Variants in CCDC88C observed in about 807,000 individuals in gnomAD.
The protein encoded by CCDC88C is coiled-coil and HOOK domain protein 88C.
In CCDC88C, 131 loss-of-function variants were observed where a neutral mutation model predicts 198.8. That is an observed-to-expected ratio of 0.66 (90% CI 0.57 to 0.76). CCDC88C has a LOEUF of 0.76. Ranked by LOEUF, CCDC88C falls within the 30% of genes least tolerant of loss-of-function variation. CCDC88C has a pLI of 0.00. For missense variants in CCDC88C, 2,553 were observed against 2,631.6 expected (o/e 0.97, Z 0.65); for synonymous variants, 1,166 against 1,114.7 (o/e 1.05, Z -0.92).
At chr14:91,329,827 C>G (rs1043114210) in intron 10 of CCDC88C, among the ~76,000 whole-genome samples, 1 of 152,212 alleles carries the variant, frequency 6.6e-6, no homozygotes, top group Non-Finnish European at 1.5e-5. Flanking sequence ...CACAGATACA[C>G]AAGGTCGTTA....
At chr14:91,409,080 C>T (rs529197041) in intron 2 of CCDC88C, among the ~76,000 whole-genome samples, 4 of 152,076 alleles carry the variant, frequency 2.6e-5, no homozygotes, top group Non-Finnish European at 5.9e-5. Context: ...AAATGTTATA[C>T]TGTATAAAAC....
Position 91,313,378 on chromosome 14 carries a change from A to G in CCDC88C, c.2438T>C (p.Leu813Ser). The change falls in exon 15 of 30, where the codon TTG becomes TCG. Residue 813 changes from leucine (L) to serine (S), a missense_variant. Leu to Ser is a moderately radical substitution (Grantham distance 145). Around this residue, in one of 2 missense-constraint regions of CCDC88C, gnomAD observed 1,260 missense variants for 1,412.0 expected, o/e 0.89. Coordinates refer to ENST00000389857, the MANE Select transcript of CCDC88C (RefSeq NM_001080414.4). The surrounding 1 kb of genome is among the most constrained non-coding windows in gnomAD (Gnocchi z 5.2). ...CTTCCTGTCCTTCTCGGCCCCCTCC[A>G]ACTGTGCATTGGCCAGCCGGAGGGC... Reference protein sequence around the residue: ...LEALRLANAQLEGAEKDRKAL... With the variant: ...LEALRLANAQSEGAEKDRKAL... The G allele has an allele frequency of 6.2e-7, 1 of 1,610,000 alleles. No individual in the cohort carries two copies. The highest frequency in any genetic ancestry group is 8.5e-7 in the Non-Finnish European group (1 of 1,179,780).
In CCDC88C at chr14:91,313,976, G is replaced by A. The variant is rs2139807033; in HGVS notation, c.1840C>T (p.Arg614Trp). ...GKLSQLEFEK[R>W]QLHRDLEQAK... ...TGCTCCAAGTCCCTGTGCAGCTGCC[G>A]CTTCTCAAACTCCAACTGGCTGAGC... The change falls in exon 15 of 30, where the codon CGG (arginine) becomes TGG (tryptophan). Residue 614 changes from arginine (R) to tryptophan (W), a missense_variant. Physicochemically the swap from Arg to Trp is moderately radical, Grantham distance 101 (BLOSUM62 -3). Coordinates refer to ENST00000389857, the MANE Select transcript of CCDC88C (RefSeq NM_001080414.4). This position sits in a 1 kb window ranked among gnomAD's most constrained non-coding sequence, Gnocchi z 5.2. The A allele has an allele frequency of 1.9e-6, 3 of 1,613,698 alleles. No homozygotes were observed. The highest frequency in any genetic ancestry group is 2.2e-5 in the East Asian group (1 of 44,856).
Position 91,313,017 on chromosome 14 carries a change from C to T in CCDC88C, c.2736+63G>A, listed in dbSNP as rs1361580447. 3 of 1,260,526 alleles carry T rather than the reference C, an allele frequency of 2.4e-6. No homozygotes were observed. Among genetic ancestry groups the T allele is most frequent in the Non-Finnish European group, 2.2e-6 (2 of 904,978 alleles). The allele number at this position is 1,260,526 out of a possible 1,614,324, so 78.1% of individuals were successfully genotyped here. On this transcript the variant is annotated intron_variant, in intron 15 of 29. Coordinates refer to ENST00000389857, the MANE Select transcript of CCDC88C (RefSeq NM_001080414.4). This position sits in a 1 kb window ranked among gnomAD's most constrained non-coding sequence, Gnocchi z 5.2. ...GTCTTATTTCTCTCCTGAAACCATGCACCACAGAACCCACTACCACCATCT... is the reference window on the plus strand; with the variant it reads ...GTCTTATTTCTCTCCTGAAACCATGTACCACAGAACCCACTACCACCATCT...
intron 23 of CCDC88C, among the ~76,000 whole-genome samples, chr14:91,291,924 C>T (rs867560082): frequency 2.0e-4 from 31 of 152,300 alleles, no homozygotes; most frequent in African/African-American, 7.5e-4. Flanking sequence ...TAGGGAGTCA[C>T]GGGGCTGCGC....
chr14:91,326,527 T>C lies in CCDC88C; in HGVS notation c.1051-471A>G, dbSNP rs550594487. Among the ~76,000 whole-genome samples, 3 of 152,214 alleles carry C rather than the reference T, an allele frequency of 2.0e-5. No homozygotes were observed. The South Asian group carries it at 6.2e-4, about 32-fold the overall frequency. On this transcript the variant is annotated intron_variant, in intron 10 of 29. Transcript: ENST00000389857. ...TGTGCCCAGCCCATCTTCACCCTTTTTAATCGGGCAAGGACAATGGACTTT... is the reference window on the plus strand; with the variant it reads ...TGTGCCCAGCCCATCTTCACCCTTTCTAATCGGGCAAGGACAATGGACTTT...
At chr14:91,317,178 G>A (rs2139813074) in intron 13 of CCDC88C, among the ~76,000 whole-genome samples, 1 of 152,318 alleles carries the variant, frequency 6.6e-6, no homozygotes, top group East Asian at 1.9e-4. Context: ...AGGAGGGAGG[G>A]GGCTTCTCTA....
At chr14:91,390,586 T>C (rs1885448331) in intron 3 of CCDC88C, among the ~76,000 whole-genome samples, 1 of 152,148 alleles carries the variant, frequency 6.6e-6, no homozygotes, top group Non-Finnish European at 1.5e-5. Flanking sequence ...AAGTCAGTGT[T>C]GTGGGTCACC....
chr14:91,324,907 T>G lies in CCDC88C; in HGVS notation c.1214A>C (p.Lys405Thr). 1 of 1,613,768 alleles carries G rather than the reference T, an allele frequency of 6.2e-7. No homozygotes were observed. Among genetic ancestry groups the G allele is most frequent in the Non-Finnish European group, 8.5e-7 (1 of 1,179,896 alleles). The change falls in exon 12 of 30, where the codon AAG (lysine) becomes ACG (threonine). Residue 405 changes from lysine to threonine, a missense_variant. Physicochemically the swap from Lys to Thr is moderately conservative, Grantham distance 78 (BLOSUM62 -1). Coordinates refer to ENST00000389857, the MANE Select transcript of CCDC88C (RefSeq NM_001080414.4). The part of the protein sequence containing the change: ...HDLELDRDTD[K>T]KRIEELLEEN... Reference sequence around the variant, plus strand: ...TTCCAGCAGCTCCTCAATTCGTTTCTTATCTGTGTCCCGGTCCTGGGGCAA... The same window carrying G: ...TTCCAGCAGCTCCTCAATTCGTTTCGTATCTGTGTCCCGGTCCTGGGGCAA...
intron 4 of CCDC88C, among the ~76,000 whole-genome samples, chr14:91,357,567 C>T (rs986107815): frequency 3.3e-5 from 5 of 152,148 alleles, no homozygotes; most frequent in Non-Finnish European, 5.9e-5. Context: ...CCAGGGCAGA[C>T]GGAGTGGCTG....
At position 91,324,861 on chromosome 14, in the gene CCDC88C, A is replaced by G. The variant is rs1892516317; in HGVS notation, c.1260T>C (p.Ile420=). The change falls in exon 12 of 30, where the codon ATT becomes ATC. Residue 420 remains isoleucine, a synonymous_variant. Coordinates refer to ENST00000389857, the MANE Select transcript of CCDC88C (RefSeq NM_001080414.4). ...ELLEENMVLE[I]AQKQSMNESA... is the part of the protein sequence containing the mutation. The stretch of plus-strand genomic sequence containing the variant: ...ATTCGTTCATGCTCTGCTTCTGTGC[A>G]ATCTCAAGGACCATGTTTTCTTCCA... The G allele has an allele frequency of 6.2e-7, 1 of 1,613,840 alleles. No individual in the cohort carries two copies. Among genetic ancestry groups the G allele is most frequent in the African/African-American group, 1.3e-5 (1 of 75,028 alleles).
At chr14:91,351,573 C>A (rs1893797830) in intron 4 of CCDC88C, among the ~76,000 whole-genome samples, 1 of 152,204 alleles carries the variant, frequency 6.6e-6, no homozygotes, top group Non-Finnish European at 1.5e-5. Flanking sequence ...CACCTCTACG[C>A]ACGGGCTCAC....
chr14:91,280,358 C>T (rs1890148264), intron 27 of CCDC88C, among the ~76,000 whole-genome samples: 2 of 152,204 alleles, frequency 1.3e-5, no homozygotes, highest in South Asian at 4.1e-4. Flanking sequence ...AGCAGATGTC[C>T]AGAAAACACC....
chr14:91,318,190 C>T (rs1211127245), intron 13 of CCDC88C, among the ~76,000 whole-genome samples: 1 of 152,070 alleles, frequency 6.6e-6, no homozygotes, highest in Non-Finnish European at 1.5e-5. Context: ...GAGGCTGAGA[C>T]CGAAGGACTG....
rs1484620446 is a variant in CCDC88C, at chr14:91,339,081, C to T, written c.809+197G>A. 2.9e-6 allele frequency: 2 copies of T among 683,138 alleles called. No homozygotes were observed. Among genetic ancestry groups the T allele is most frequent in the Non-Finnish European group, 5.2e-6 (2 of 382,710 alleles). 42.3% of individuals were successfully genotyped at this position (683,138 alleles called of 1,614,324 possible). On this transcript the variant is annotated intron_variant, in intron 8 of 29. Coordinates refer to ENST00000389857, the MANE Select transcript of CCDC88C (RefSeq NM_001080414.4). The surrounding 1 kb of genome is among the most constrained non-coding windows in gnomAD (Gnocchi z 5.8). ...AACCCTGAAGACCGGGAAGAATCCCCGCCCCCATCCCTGTGCAGGCCTCAG... is the reference window on the plus strand; with the variant it reads ...AACCCTGAAGACCGGGAAGAATCCCTGCCCCCATCCCTGTGCAGGCCTCAG...
intron 27 of CCDC88C, chr14:91,281,080 C>A: frequency 2.2e-6 from 1 of 446,618 alleles, no homozygotes; most frequent in South Asian, 1.6e-5. Context: ...ATTTCCAAGA[C>A]TAAATACGCC....
Position 91,272,738 on chromosome 14 carries a change from G to C in CCDC88C, c.5974C>G (p.Leu1992Val). The C allele has an allele frequency of 6.2e-7, 1 of 1,609,298 alleles. No individual in the cohort carries two copies. The highest frequency in any genetic ancestry group is 8.5e-7 in the Non-Finnish European group (1 of 1,179,244). The stretch of plus-strand genomic sequence containing the variant: ...CTGCAGTCCTCCAGGGCCCGGCCGA[G>C]GTGGGGAGCCAAATCGGGAGACCGA... ...PGRSPDLAPHLGRALEDCSRG... is the reference protein window; with the variant it reads ...PGRSPDLAPHVGRALEDCSRG... Residue 1992 changes from leucine to valine, a missense_variant, in exon 30 of 30, where the codon CTC becomes GTC. Leu to Val is a conservative substitution (Grantham distance 32). Transcript: ENST00000389857.
intron 10 of CCDC88C, among the ~76,000 whole-genome samples, chr14:91,337,587 C>T (rs936555756): frequency 6.6e-6 from 1 of 152,268 alleles, no homozygotes; most frequent in Non-Finnish European, 1.5e-5. Flanking sequence ...GCGATCCTCC[C>T]ACCTTGGTCT....
intron 4 of CCDC88C, among the ~76,000 whole-genome samples, chr14:91,345,121 A>G (rs1191832373): frequency 2.0e-5 from 3 of 147,764 alleles, no homozygotes; most frequent in East Asian, 3.9e-4. Context: ...TTTGTAAATC[A>G]AGGCCAGTAA....
Sources: gnomAD v4.1 joint callset for allele counts (sites outside exome capture counted in the v4.1 genomes callset) on GRCh38, gnomAD v4.1.1 for gene constraint, gnomAD v4.1.1 regional missense constraint, Gnocchi (gnomAD v3.1) non-coding constraint, MANE v1.5 for transcripts, NCBI Gene and HGNC (gene_info 2026-07-23, HGNC 2026-07-21) for gene names.